NAALADL2: variants seen among roughly 807,000 people sequenced by gnomAD.
The protein encoded by NAALADL2 is inactive N-acetylated-alpha-linked acidic dipeptidase-like protein 2.
In NAALADL2, 76 loss-of-function variants were observed where a neutral mutation model predicts 87.2. The observed-to-expected ratio is 0.87, with a 90% confidence interval of 0.72 to 1.05. The LOEUF (loss-of-function observed/expected upper bound fraction) is 1.05, where lower values mean the gene tolerates loss of function less well. NAALADL2 is among the 50% of genes least tolerant of loss of function. The pLI is 0.00. For synonymous variants in NAALADL2, 354 were observed against 331.0 expected, an observed-to-expected ratio of 1.07 and a Z score of -0.75; for missense variants, 1,089 against 945.8, an observed-to-expected ratio of 1.15 and a Z score of -1.99.
chr3:175,589,975 G>A (rs1175752862), intron 10 of NAALADL2, among the ~76,000 whole-genome samples: 3 of 152,072 alleles, frequency 2.0e-5, no homozygotes, highest in Non-Finnish European at 4.4e-5. Flanking sequence ...CACTTTGGGA[G>A]GCCGAGGCAG....
chr3:174,949,863 A>G (rs2108506704), intron 1 of NAALADL2, among the ~76,000 whole-genome samples: 1 of 152,326 alleles, frequency 6.6e-6, no homozygotes, highest in South Asian at 2.1e-4. Context: ...GCCAAATAAT[A>G]GCATATTGAG....
At chr3:175,556,823 A>G (rs926900779) in intron 9 of NAALADL2, among the ~76,000 whole-genome samples, 7 of 152,180 alleles carry the variant, frequency 4.6e-5, no homozygotes, top group Admixed American at 4.6e-4. Context: ...TATTGGTGTT[A>G]ACATTAATGG....
chr3:175,233,543 G>A (rs1279260432), intron 2 of NAALADL2, among the ~76,000 whole-genome samples: 1 of 152,168 alleles, frequency 6.6e-6, no homozygotes, highest in Non-Finnish European at 1.5e-5. Flanking sequence ...CCAGGCTCAA[G>A]TGATCATCCC....
At chr3:174,989,886 T>C (rs1033428189) in intron 1 of NAALADL2, among the ~76,000 whole-genome samples, 3 of 152,144 alleles carry the variant, frequency 2.0e-5, no homozygotes, top group African/African-American at 7.2e-5. Context: ...AGTAAGGAGA[T>C]AGTACTTTTT....
chr3:174,632,220 T>G (rs1722183683), intron 2 of NAALADL2, among the ~76,000 whole-genome samples: 2 of 152,184 alleles, frequency 1.3e-5, no homozygotes, highest in Admixed American at 1.3e-4. Context: ...GGATTAATAC[T>G]ATGTTAAAGG....
chr3:175,558,542 T>G (rs1242871958), intron 9 of NAALADL2, among the ~76,000 whole-genome samples: 6 of 152,160 alleles, frequency 3.9e-5, no homozygotes, highest in African/African-American at 1.4e-4. Context: ...CTTTTAGCAG[T>G]TTCATAGTTG....
chr3:175,222,746 A>G (rs1458458609), intron 2 of NAALADL2, among the ~76,000 whole-genome samples: 1 of 152,184 alleles, frequency 6.6e-6, no homozygotes, highest in Non-Finnish European at 1.5e-5. Context: ...GATTAAAACA[A>G]ATTATAAAAA....
intron 1 of NAALADL2, among the ~76,000 whole-genome samples, chr3:175,060,986 C>T (rs1220370843): frequency 6.6e-6 from 1 of 152,114 alleles, no homozygotes; most frequent in African/African-American, 2.4e-5. Context: ...GTGGAGGTTG[C>T]AGTGAGCTGA....
chr3:175,704,959 G>A (rs1739479654), intron 11 of NAALADL2, among the ~76,000 whole-genome samples: 1 of 152,188 alleles, frequency 6.6e-6, no homozygotes, highest in Non-Finnish European at 1.5e-5. Context: ...CAGAAAGTTG[G>A]TGCTAAAACC....
chr3:174,540,551 A>G (rs1722131557), intron 1 of NAALADL2, among the ~76,000 whole-genome samples: 1 of 152,224 alleles, frequency 6.6e-6, no homozygotes, highest in Non-Finnish European at 1.5e-5. Context: ...TGAAGGCTAT[A>G]ACAGTCAACT....
intron 1 of NAALADL2, among the ~76,000 whole-genome samples, chr3:174,880,586 A>G (rs751690822): frequency 1.4e-4 from 21 of 152,064 alleles, no homozygotes; most frequent in African/African-American, 4.6e-4. Flanking sequence ...CTCAATGACC[A>G]TCTTAGAACA....
At chr3:175,342,027 A>G (rs1331098571) in intron 5 of NAALADL2, among the ~76,000 whole-genome samples, 2 of 152,100 alleles carry the variant, frequency 1.3e-5, no homozygotes, top group African/African-American at 2.4e-5. Context: ...ATATTGATCT[A>G]TATGTCTGTC....
chr3:174,838,030 A>G (rs1315535098), intron 3 of NAALADL2, among the ~76,000 whole-genome samples: 5 of 136,526 alleles, frequency 3.7e-5, no homozygotes, highest in African/African-American at 1.4e-4. Flanking sequence ...AGAAAAAAAA[A>G]AAAAAAGAAA....
At chr3:174,862,959 G>A (rs1560297429) in intron 1 of NAALADL2, among the ~76,000 whole-genome samples, 2 of 152,042 alleles carry the variant, frequency 1.3e-5, no homozygotes, top group African/African-American at 2.4e-5. Context: ...GGAGTTGGCT[G>A]GATCCTGAGG....
At chr3:174,472,155 A>G (rs2108312978) in intron 1 of NAALADL2, among the ~76,000 whole-genome samples, 1 of 152,282 alleles carries the variant, frequency 6.6e-6, no homozygotes, top group Middle Eastern at 3.4e-3. Context: ...TTTGTCTAGG[A>G]CTGAGGAGTT....
At position 175,463,701 on chromosome 3, in the gene NAALADL2, G is replaced by GGAGAGAGAGA. The variant is rs10591566; in HGVS notation, c.1327+234_1327+243dup. On this transcript the variant is annotated intron_variant, in intron 7 of 13. Transcript: ENST00000454872. ...TCTTCTAAAATAAATCTTAGTCGGG[G>GGAGAGAGAGA]GAGAGAGAGAGAGAGAGAGAGAGAG... Among the ~76,000 whole-genome samples the GGAGAGAGAGA allele has an allele frequency of 3.0e-3, 345 of 115,512 alleles. 5 individuals are homozygous for GGAGAGAGAGA. Among genetic ancestry groups the GGAGAGAGAGA allele is most frequent in the African/African-American group, 0.01 (254 of 25,374 alleles). 75.8% of individuals were successfully genotyped at this position (115,512 alleles called of 152,430 possible).
rs1515619 is a variant in NAALADL2 at position 174,809,370 on chromosome 3, A to C, written c.-9+71624A>C. Among the ~76,000 whole-genome samples, 56 of 151,874 alleles carry C rather than the reference A, an allele frequency of 3.7e-4. 1 individual carries two copies. ...AAGTAGACAATAAAACTTTTGTATA[A>C]AGTATTCAGATATGGCCTAAGATAA... On this transcript the variant is annotated intron_variant, in intron 3 of 3. Coordinates refer to the NAALADL2 transcript ENST00000434257.
intron 1 of NAALADL2, among the ~76,000 whole-genome samples, chr3:174,528,647 C>T (rs545891580): frequency 1.6e-4 from 24 of 152,154 alleles, no homozygotes; most frequent in African/African-American, 4.6e-4. Flanking sequence ...CCTGACACTG[C>T]GCAATTTACA....
intron 1 of NAALADL2, among the ~76,000 whole-genome samples, chr3:174,915,175 T>C (rs1196249016): frequency 6.6e-6 from 1 of 152,116 alleles, no homozygotes; most frequent in Non-Finnish European, 1.5e-5. Context: ...TCATGGTCAA[T>C]TGGATAGATT....
Sources: gnomAD v4.1 joint callset for allele counts (sites outside exome capture counted in the v4.1 genomes callset) on GRCh38, gnomAD v4.1.1 for gene constraint, MANE v1.5 for transcripts, NCBI Gene and HGNC (gene_info 2026-07-23, HGNC 2026-07-21) for gene names.